Variants in ZNF280D observed in about 807,000 individuals in gnomAD.
The protein encoded by ZNF280D is suppressor of hairy wing homolog 4.
ZNF280D carries 39 observed loss-of-function variants against 94.7 expected under a neutral mutation model. That is an observed-to-expected ratio of 0.41 (90% CI 0.32 to 0.54). The LOEUF is 0.54. ZNF280D is among the 20% of genes least tolerant of loss of function. ZNF280D has a pLI of 0.22. For synonymous variants in ZNF280D, 398 were observed against 377.6 expected, an observed-to-expected ratio of 1.05 and a Z score of -0.63; for missense variants, 1,090 against 1,149.3, an observed-to-expected ratio of 0.95 and a Z score of 0.75.
intron 20 of ZNF280D, among the ~76,000 whole-genome samples, chr15:56,641,620 A>T (rs1443438338): frequency 6.6e-6 from 1 of 151,852 alleles, no homozygotes; most frequent in Non-Finnish European, 1.5e-5. Flanking sequence ...AAAAAAGTTG[A>T]TCATATTTAA....
rs766021187 is a variant in ZNF280D, at chr15:56,631,471, G to C, written c.*27C>G. On this transcript the variant is annotated 3_prime_UTR_variant, in exon 22 of 22. Coordinates refer to ENST00000267807, the MANE Select transcript of ZNF280D (RefSeq NM_017661.4). The stretch of plus-strand genomic sequence containing the variant: ...ACTGTTCCAAATGCCCTTATCGTTG[G>C]TACACTGAAACTTAAAATGACTAAT... 1.2e-6 allele frequency: 2 copies of C among 1,604,624 alleles called. No individual in the cohort carries two copies. The highest frequency in any genetic ancestry group is 2.2e-5 in the South Asian group (2 of 89,886).
intron 1 of ZNF280D, among the ~76,000 whole-genome samples, chr15:56,719,506 T>C (rs889900168): frequency 3.3e-5 from 5 of 152,230 alleles, no homozygotes; most frequent in Admixed American, 6.5e-5. Flanking sequence ...GGTACCACGA[T>C]ACTTGCAGAA....
chr15:56,683,656 A>G (rs1220093483), intron 9 of ZNF280D, among the ~76,000 whole-genome samples: 1 of 152,168 alleles, frequency 6.6e-6, no homozygotes, highest in Non-Finnish European at 1.5e-5. Context: ...TGCCCTAAAA[A>G]TTTAGGTGGG....
intron 16 of ZNF280D, among the ~76,000 whole-genome samples, chr15:56,664,981 T>C (rs17238859): frequency 0.035 from 5,395 of 152,036 alleles, 339 homozygotes; most frequent in Admixed American, 0.16. Context: ...CATGGGGTAA[T>C]GGAAATCCAA....
At chr15:56,660,272 C>A (rs1232940060) in intron 16 of ZNF280D, among the ~76,000 whole-genome samples, 1 of 152,116 alleles carries the variant, frequency 6.6e-6, no homozygotes, top group Non-Finnish European at 1.5e-5. Context: ...TTTATTCTTT[C>A]TCTTCAAACA....
chr15:56,651,857 A>G, intron 19 of ZNF280D, among the ~76,000 whole-genome samples: 1 of 152,182 alleles, frequency 6.6e-6, no homozygotes, highest in East Asian at 1.9e-4. Flanking sequence ...GATATGAAGG[A>G]TTGACTGTAC....
chr15:56,719,396 T>C (rs1169034233), intron 1 of ZNF280D, among the ~76,000 whole-genome samples: 6 of 151,622 alleles, frequency 4.0e-5, no homozygotes, highest in Admixed American at 1.3e-4. Flanking sequence ...TTTCGCTTCC[T>C]CTCTTTCACC....
chr15:56,668,242 C>A (rs1414462492), intron 14 of ZNF280D: 1 of 436,292 alleles, frequency 2.3e-6, no homozygotes, highest in Non-Finnish European at 4.6e-6. Context: ...CAAGAGCTGA[C>A]TGTATATAAA....
intron 7 of ZNF280D, among the ~76,000 whole-genome samples, chr15:56,692,725 T>C (rs765389605): frequency 6.6e-6 from 1 of 152,072 alleles, no homozygotes; most frequent in East Asian, 1.9e-4. Context: ...AAATCAACTA[T>C]AGCCATATAT....
At chr15:56,696,571 C>T (rs1320088729) in intron 6 of ZNF280D, among the ~76,000 whole-genome samples, 2 of 152,148 alleles carry the variant, frequency 1.3e-5, no homozygotes, top group African/African-American at 4.8e-5. Flanking sequence ...TATATCCCAT[C>T]CCTGCCAACC....
chr15:56,731,224 C>T (rs1326898473), intron 1 of ZNF280D, among the ~76,000 whole-genome samples: 1 of 152,012 alleles, frequency 6.6e-6, no homozygotes, highest in Non-Finnish European at 1.5e-5. Flanking sequence ...TCAATTTCGC[C>T]CAGTGCTGTG....
chr15:56,723,923 C>G (rs150507307), intron 1 of ZNF280D, among the ~76,000 whole-genome samples: 1 of 152,292 alleles, frequency 6.6e-6, no homozygotes, highest in African/African-American at 2.4e-5. Context: ...TTACCTTAAA[C>G]GTGCTCAGAA....
intron 19 of ZNF280D, among the ~76,000 whole-genome samples, chr15:56,650,198 G>C (rs1386826024): frequency 6.6e-6 from 1 of 151,832 alleles, no homozygotes; most frequent in East Asian, 1.9e-4. Context: ...TAAAAAGTAG[G>C]GTGTCAATGT....
At chr15:56,710,333 G>A (rs539975346) in intron 1 of ZNF280D, among the ~76,000 whole-genome samples, 1 of 152,268 alleles carries the variant, frequency 6.6e-6, no homozygotes, top group East Asian at 1.9e-4. Context: ...GAACCCAAGA[G>A]GCAGAGGGAG....
At chr15:56,649,637 A>G (rs144900881) in intron 19 of ZNF280D, among the ~76,000 whole-genome samples, 1 of 152,006 alleles carries the variant, frequency 6.6e-6, no homozygotes, top group East Asian at 1.9e-4. Context: ...TGCTAAATTA[A>G]TGAAATGAAG....
chr15:56,725,690 A>C (rs10518870), intron 1 of ZNF280D, among the ~76,000 whole-genome samples: 2 of 151,918 alleles, frequency 1.3e-5, no homozygotes, highest in Middle Eastern at 3.4e-3. Context: ...CTAGATAAAC[A>C]CAAGTCAAAG....
At chr15:56,697,047 G>C (rs541689719) in intron 6 of ZNF280D, among the ~76,000 whole-genome samples, 75 of 152,144 alleles carry the variant, frequency 4.9e-4, no homozygotes, top group Middle Eastern at 3.4e-3. Flanking sequence ...ATAATGTTTT[G>C]TTTTTCTATT....
chr15:56,698,529 G>C (rs1192875998), intron 6 of ZNF280D: 1 of 152,162 alleles, frequency 6.6e-6, no homozygotes, highest in Non-Finnish European at 1.5e-5. Flanking sequence ...GTGGCAGACA[G>C]ACTCTAAAGT....
chr15:56,682,208 G>C (rs1350258344), intron 10 of ZNF280D, 46 bp downstream of exon 10: 6 of 1,315,784 alleles, frequency 4.6e-6, no homozygotes, highest in Non-Finnish European at 4.2e-6. Context: ...ATTTTTATTT[G>C]CAGCATTTCA....
Sources: allele counts gnomAD v4.1 joint callset (sites outside exome capture counted in the v4.1 genomes callset), GRCh38; gene constraint gnomAD v4.1.1; transcripts MANE v1.5; gene names NCBI Gene and HGNC (gene_info 2026-07-23, HGNC 2026-07-21).